LRRC1: variants seen among roughly 807,000 people sequenced by gnomAD.
LRRC1 encodes the protein leucine rich repeat containing 1.
In LRRC1, 28 loss-of-function variants were observed where a neutral mutation model predicts 69.9. The ratio of observed to expected loss-of-function variants is 0.40; its 90% CI spans 0.30 to 0.55. LRRC1 has a LOEUF of 0.55. LRRC1 is among the 20% of genes least tolerant of loss of function. The pLI is 0.47. For missense variants in LRRC1, 498 were observed against 609.0 expected (o/e 0.82, Z 1.92); for synonymous variants, 236 against 240.2 (o/e 0.98, Z 0.16).
At chr6:53,825,560 A>T (rs1765231599) in intron 1 of LRRC1, among the ~76,000 whole-genome samples, 1 of 152,152 alleles carries the variant, frequency 6.6e-6, no homozygotes, top group African/African-American at 2.4e-5. Flanking sequence ...GGGTTGTAGA[A>T]TCAGGGAAGG....
At position 53,879,014 on chromosome 6, in the gene LRRC1, G is replaced by T. The variant is rs762673828; in HGVS notation, c.299G>T (p.Ser100Ile). The T allele has an allele frequency of 6.2e-7, 1 of 1,612,918 alleles. No individual in the cohort carries two copies. Among genetic ancestry groups the T allele is most frequent in the Non-Finnish European group, 8.5e-7 (1 of 1,179,338 alleles). The change falls in exon 3 of 14, where the codon AGC becomes ATC. Residue 100 changes from serine (S) to isoleucine (I), a missense_variant. Around this residue, in one of 3 missense-constraint regions of LRRC1, gnomAD observed 266 missense variants for 383.9 expected, o/e 0.69. Transcript: ENST00000370888. Reference protein sequence around the residue: ...SRNEIPEIPESISFCKALQVA... With the variant: ...SRNEIPEIPEIISFCKALQVA... Reference sequence around the variant, plus strand: ...GCAGAGATTCCTGAAATTCCAGAAAGCATTTCATTCTGTAAAGCACTGCAG... The same window carrying T: ...GCAGAGATTCCTGAAATTCCAGAAATCATTTCATTCTGTAAAGCACTGCAG...
chr6:53,922,807 A>C lies in LRRC1; in HGVS notation c.*14A>C, dbSNP rs1329110861. The C allele has an allele frequency of 1.2e-6, 2 of 1,609,934 alleles. No homozygotes were observed. The highest frequency in any genetic ancestry group is 1.3e-5 in the African/African-American group (1 of 74,926). On this transcript the variant is annotated 3_prime_UTR_variant, in exon 14 of 14. Coordinates refer to ENST00000370888, the MANE Select transcript of LRRC1 (RefSeq NM_018214.5). The stretch of plus-strand genomic sequence containing the variant: ...ACTTCTGTGTAGAGTTTCACCTCCA[A>C]GTTTTACCTCCTGTGTCTTCCTCTG...
At chr6:53,878,429 C>A (rs952759709) in intron 2 of LRRC1, among the ~76,000 whole-genome samples, 2 of 152,208 alleles carry the variant, frequency 1.3e-5, no homozygotes, top group African/African-American at 4.8e-5. Flanking sequence ...TGTTTTCCTG[C>A]AACTGGACAG....
intron 2 of LRRC1, among the ~76,000 whole-genome samples, chr6:53,869,392 AT>A (rs1766808861): frequency 6.6e-6 from 1 of 152,062 alleles, no homozygotes; most frequent in South Asian, 2.1e-4. Flanking sequence ...TTTTTTCTTC[AT>A]ACATTTAGTT....
At chr6:53,861,602 T>G (rs1398213516) in intron 2 of LRRC1, among the ~76,000 whole-genome samples, 2 of 151,910 alleles carry the variant, frequency 1.3e-5, no homozygotes, top group African/African-American at 4.8e-5. Context: ...ATATTAAACC[T>G]GGATTAGGGA....
intron 1 of LRRC1, among the ~76,000 whole-genome samples, chr6:53,806,095 A>G (rs1176784166): frequency 6.6e-6 from 1 of 152,248 alleles, no homozygotes; most frequent in African/African-American, 2.4e-5. Flanking sequence ...CCAACTGGAC[A>G]GACCTCTGGA....
intron 1 of LRRC1, among the ~76,000 whole-genome samples, chr6:53,824,263 T>TC (rs746810151): frequency 6.6e-6 from 1 of 152,196 alleles, no homozygotes; most frequent in African/African-American, 2.4e-5. Context: ...AGCTTTTTTT[T>TC]CATATGCTTG....
intron 1 of LRRC1, among the ~76,000 whole-genome samples, chr6:53,806,205 A>G (rs1029523913): frequency 1.3e-5 from 2 of 152,222 alleles, no homozygotes; most frequent in Admixed American, 1.3e-4. Context: ...GTCCCTCATC[A>G]GAGCGAGTTT....
chr6:53,801,741 G>A (rs1233475077), intron 1 of LRRC1, among the ~76,000 whole-genome samples: 1 of 152,066 alleles, frequency 6.6e-6, no homozygotes, highest in Non-Finnish European at 1.5e-5. Context: ...CATTTAGTGA[G>A]TATCTGTGAC....
intron 10 of LRRC1, among the ~76,000 whole-genome samples, chr6:53,909,616 A>G (rs1768348776): frequency 6.6e-6 from 1 of 152,144 alleles, no homozygotes; most frequent in Non-Finnish European, 1.5e-5. Flanking sequence ...TCAGAAAAAA[A>G]AAAAAGAATT....
At chr6:53,870,751 C>T (rs1300660301) in intron 2 of LRRC1, among the ~76,000 whole-genome samples, 1 of 152,154 alleles carries the variant, frequency 6.6e-6, no homozygotes, top group Non-Finnish European at 1.5e-5. Context: ...TCTTATCTTA[C>T]TGTAACTTTA....
intron 2 of LRRC1, among the ~76,000 whole-genome samples, chr6:53,876,638 G>T (rs767467573): frequency 5.3e-5 from 8 of 152,188 alleles, no homozygotes; most frequent in Non-Finnish European, 1.0e-4. Context: ...AAACAAAGGA[G>T]CTGCAGGCCC....
At chr6:53,914,146 A>T (rs553529764) in intron 11 of LRRC1, among the ~76,000 whole-genome samples, 177 bp downstream of exon 11, 1 of 152,178 alleles carries the variant, frequency 6.6e-6, no homozygotes, top group Non-Finnish European at 1.5e-5. Context: ...CTTGAGCCCA[A>T]TGGAGCAGAG....
intron 2 of LRRC1, among the ~76,000 whole-genome samples, chr6:53,862,647 C>T (rs906372187): frequency 1.3e-5 from 2 of 152,178 alleles, no homozygotes; most frequent in African/African-American, 4.8e-5. Context: ...AAGGCCGTCT[C>T]TCTTTCCTGC....
intron 4 of LRRC1, among the ~76,000 whole-genome samples, chr6:53,892,224 T>G (rs1767729793): frequency 1.3e-5 from 2 of 152,038 alleles, no homozygotes; most frequent in African/African-American, 4.8e-5. Context: ...TTCCTCTCTG[T>G]GCCTTAGTTT....
chr6:53,856,018 C>T (rs1432406915), intron 2 of LRRC1, among the ~76,000 whole-genome samples: 4 of 152,154 alleles, frequency 2.6e-5, no homozygotes, highest in Non-Finnish European at 5.9e-5. Context: ...TGAGTTTATT[C>T]TTATCTCCAA....
intron 3 of LRRC1, among the ~76,000 whole-genome samples, chr6:53,879,908 C>T (rs994582715): frequency 2.6e-5 from 4 of 152,150 alleles, no homozygotes; most frequent in East Asian, 1.9e-4. Flanking sequence ...ATTGTGCCCA[C>T]GTGCAATGCA....
At chr6:53,859,352 A>G (rs1295943986) in intron 2 of LRRC1, among the ~76,000 whole-genome samples, 2 of 152,156 alleles carry the variant, frequency 1.3e-5, no homozygotes, top group African/African-American at 4.8e-5. Flanking sequence ...TCTACCTCCT[A>G]AGGAATATGC....
At chr6:53,831,031 A>G (rs1002827634) in intron 1 of LRRC1, among the ~76,000 whole-genome samples, 1 of 151,138 alleles carries the variant, frequency 6.6e-6, no homozygotes, top group Admixed American at 6.6e-5. Flanking sequence ...TTGCACCAAC[A>G]TAATAAAATC....
Sources: allele counts gnomAD v4.1 joint callset (sites outside exome capture counted in the v4.1 genomes callset), GRCh38; gene constraint gnomAD v4.1.1; regional missense constraint gnomAD v4.1.1; transcripts MANE v1.5; gene names NCBI Gene and HGNC (gene_info 2026-07-23, HGNC 2026-07-21).